SORCS2: variants seen among roughly 807,000 people sequenced by gnomAD.
SORCS2 encodes sortilin related VPS10 domain containing receptor 2.
Under a neutral mutation model 141.6 loss-of-function variants are expected in SORCS2, and 100 were observed. The observed-to-expected ratio is 0.71, with a 90% CI of 0.60 to 0.83. The LOEUF (loss-of-function observed/expected upper bound fraction) is 0.83. Ranked by LOEUF, SORCS2 falls within the 40% of genes least tolerant of loss-of-function variation. The pLI, the probability that SORCS2 is intolerant of heterozygous loss-of-function variation, is 0.00. For missense variants in SORCS2, 1,646 were observed against 1,560.2 expected, an observed-to-expected ratio of 1.05 and a Z score of -0.93; for synonymous variants, 789 against 676.9, an observed-to-expected ratio of 1.17 and a Z score of -2.57.
chr4:7,666,177 GC>G (rs1216467567), intron 7 of SORCS2, among the ~76,000 whole-genome samples: 3 of 152,138 alleles, frequency 2.0e-5, no homozygotes, highest in Non-Finnish European at 4.4e-5. Context: ...AGCAGCCCTT[GC>G]TCATCTCAGC....
In SORCS2 at chr4:7,621,430, AGTGTGTGTCTAT is replaced by A. The variant is rs1308079717; in HGVS notation, c.649-16887_649-16876del. Among the ~76,000 whole-genome samples the A allele has an allele frequency of 4.1e-3, 464 of 114,336 alleles. 3 individuals are homozygous for A. The highest frequency in any genetic ancestry group is 0.014 in the African/African-American group (439 of 30,668). The allele number at this position is 114,336 out of a possible 152,430, so 75.0% of individuals were successfully genotyped here. A position where few individuals can be genotyped will look rare whatever the true frequency, so the allele number is the denominator to read the frequency against. On this transcript the variant is annotated intron_variant, in intron 3 of 26. Coordinates refer to ENST00000507866, the MANE Select transcript of SORCS2 (RefSeq NM_020777.3). ...GTGTGCATGTTTGTGTGTGTGTGTG[AGTGTGTGTCTAT>A]GTGTGTGTCTGTGTGAGTGTTTATG...
chr4:7,577,820 G>A (rs984099292), intron 3 of SORCS2, among the ~76,000 whole-genome samples: 12 of 148,964 alleles, frequency 8.1e-5, no homozygotes, highest in African/African-American at 2.0e-4. Flanking sequence ...GCATACAGGC[G>A]AAGTCAGCTA....
At chr4:7,702,376 TG>T (rs1409233281) in intron 12 of SORCS2, among the ~76,000 whole-genome samples, 7 of 152,240 alleles carry the variant, frequency 4.6e-5, no homozygotes, top group Non-Finnish European at 8.8e-5. Context: ...ACTGGAGATT[TG>T]GGGCAGGCCC....
At chr4:7,266,743 G>T (rs898407145) in intron 1 of SORCS2, among the ~76,000 whole-genome samples, 2 of 152,178 alleles carry the variant, frequency 1.3e-5, no homozygotes, top group Non-Finnish European at 1.5e-5. Context: ...CTATGGGAAC[G>T]CTGCCTCTCA....
At chr4:7,417,097 GA>G (rs1366726395) in intron 2 of SORCS2, among the ~76,000 whole-genome samples, 2 of 152,176 alleles carry the variant, frequency 1.3e-5, no homozygotes, top group African/African-American at 4.8e-5. Context: ...GAAACACGAG[GA>G]AACTGTCTTT....
intron 2 of SORCS2, among the ~76,000 whole-genome samples, chr4:7,461,089 C>T (rs960191608): frequency 5.9e-5 from 9 of 152,192 alleles, no homozygotes; most frequent in African/African-American, 2.2e-4. Context: ...CTGCCACAAA[C>T]ATCAGAGGAC....
At chr4:7,587,209 T>C (rs4689789) in intron 3 of SORCS2, among the ~76,000 whole-genome samples, 44,620 of 151,628 alleles carry the variant, frequency 0.29, 7,428 homozygotes, top group East Asian at 0.67. Flanking sequence ...TTGGTGCCAG[T>C]CTGGATTAGA....
At chr4:7,371,690 C>T (rs1037986316) in intron 1 of SORCS2, among the ~76,000 whole-genome samples, 15 of 152,178 alleles carry the variant, frequency 9.9e-5, no homozygotes, top group Non-Finnish European at 2.1e-4. Context: ...TGTGGATGAA[C>T]TGAGCTGCCG....
chr4:7,684,407 C>T (rs574750258), intron 10 of SORCS2, among the ~76,000 whole-genome samples: 27 of 152,290 alleles, frequency 1.8e-4, no homozygotes, highest in South Asian at 1.5e-3. Context: ...CCTCTTTCTA[C>T]GCTGTCCCCA....
chr4:7,510,626 C>T (rs1338914002), intron 2 of SORCS2, among the ~76,000 whole-genome samples: 1 of 150,656 alleles, frequency 6.6e-6, no homozygotes, highest in African/African-American at 2.4e-5. Flanking sequence ...AATGCCACCC[C>T]GGGGCCGGCG....
chr4:7,226,721 G>C (rs1292684800), intron 1 of SORCS2, among the ~76,000 whole-genome samples: 1 of 151,894 alleles, frequency 6.6e-6, no homozygotes, highest in Non-Finnish European at 1.5e-5. Flanking sequence ...GGCTCGGTGT[G>C]GAGCTGTCAC....
chr4:7,599,923 A>G (rs1267562486), intron 3 of SORCS2, among the ~76,000 whole-genome samples: 3 of 151,442 alleles, frequency 2.0e-5, no homozygotes, highest in Non-Finnish European at 2.9e-5. Context: ...TCCCAAGTTC[A>G]AGCAATTCTC....
intron 3 of SORCS2, among the ~76,000 whole-genome samples, chr4:7,599,177 C>T (rs906129578): frequency 4.6e-5 from 7 of 152,132 alleles, no homozygotes; most frequent in East Asian, 1.9e-4. Context: ...CCAGCTCACC[C>T]GAGATCTCCA....
At chr4:7,473,650 C>T (rs773328533) in intron 2 of SORCS2, among the ~76,000 whole-genome samples, 2 of 152,124 alleles carry the variant, frequency 1.3e-5, no homozygotes, top group Non-Finnish European at 2.9e-5. Flanking sequence ...GCGTGTCCGT[C>T]ACCCTGGAGG....
At chr4:7,330,469 C>G (rs1030572639) in intron 1 of SORCS2, among the ~76,000 whole-genome samples, 1 of 151,740 alleles carries the variant, frequency 6.6e-6, no homozygotes, top group African/African-American at 2.4e-5. Flanking sequence ...CCACGCACAC[C>G]CCTGACGTCC....
intron 1 of SORCS2, among the ~76,000 whole-genome samples, chr4:7,257,155 G>T (rs888449517): frequency 6.6e-6 from 1 of 152,176 alleles, no homozygotes; most frequent in Non-Finnish European, 1.5e-5. Flanking sequence ...TCGGGCCCTG[G>T]AGTGGGCAGG....
intron 3 of SORCS2, among the ~76,000 whole-genome samples, chr4:7,629,234 T>C (rs1039326211): frequency 7.9e-5 from 12 of 152,158 alleles, no homozygotes; most frequent in African/African-American, 2.7e-4. Context: ...TATACAATTA[T>C]GATTGGTCCA....
At chr4:7,605,443 C>G (rs761929481) in intron 3 of SORCS2, among the ~76,000 whole-genome samples, 11 of 152,166 alleles carry the variant, frequency 7.2e-5, no homozygotes, top group Non-Finnish European at 1.3e-4. Context: ...ACCTGCTACT[C>G]CAGGGGTGCA....
intron 1 of SORCS2, among the ~76,000 whole-genome samples, chr4:7,371,125 T>A (rs529157339): frequency 6.6e-6 from 1 of 152,148 alleles, no homozygotes; most frequent in East Asian, 1.9e-4. Context: ...ACATGGAGAG[T>A]TGGGGCACAG....
Sources: allele counts gnomAD v4.1 joint callset (sites outside exome capture counted in the v4.1 genomes callset), GRCh38; gene constraint gnomAD v4.1.1; transcripts MANE v1.5; gene names NCBI Gene and HGNC (gene_info 2026-07-23, HGNC 2026-07-21).